CSF2: variants seen among roughly 807,000 people sequenced by gnomAD.
CSF2 encodes colony stimulating factor 2, also known as granulocyte-macrophage colony-stimulating factor.
Under a neutral mutation model 13.5 loss-of-function variants are expected in CSF2, and 2 were observed. The ratio of observed to expected loss-of-function variants is 0.15; its 90% CI spans 0.06 to 0.47. The LOEUF (loss-of-function observed/expected upper bound fraction) is 0.47. Among genes scored for constraint, CSF2 ranks in the 20% least tolerant of loss-of-function variants. The pLI, the probability that CSF2 is intolerant of heterozygous loss-of-function variation, is 0.97. For missense variants in CSF2, 141 were observed against 179.7 expected (o/e 0.78, Z 1.23); for synonymous variants, 66 against 69.2 (o/e 0.95, Z 0.23).
At chr5:132,075,308 G>T (rs1164253560) in intron 3 of CSF2, among the ~76,000 whole-genome samples, 2 of 152,264 alleles carry the variant, frequency 1.3e-5, no homozygotes, top group African/African-American at 4.8e-5. Context: ...CCCACATGGG[G>T]TGCTTGAATT....
chr5:132,074,163 G>T (rs182488161), intron 2 of CSF2, 41 bp downstream of exon 2: 1 of 1,610,506 alleles, frequency 6.2e-7, no homozygotes, highest in East Asian at 2.2e-5. Context: ...AGAAGCCCCT[G>T]CCCTGGGGTG....
At chr5:132,075,304 T>G (rs1049792941) in intron 3 of CSF2, among the ~76,000 whole-genome samples, 1 of 152,206 alleles carries the variant, frequency 6.6e-6, no homozygotes, top group Admixed American at 6.5e-5. Context: ...TGGCCCCACA[T>G]GGGGTGCTTG....
chr5:132,074,958 C>T (rs1580737013), intron 3 of CSF2, 23 bp downstream of exon 3: 5 of 1,612,972 alleles, frequency 3.1e-6, no homozygotes, highest in Non-Finnish European at 3.4e-6. Context: ...GGCAGGGCCT[C>T]CAGCAGGAAT....
At chr5:132,074,233 G>T (rs1580736664) in intron 2 of CSF2, 111 bp downstream of exon 2, 7 of 1,279,810 alleles carry the variant, frequency 5.5e-6, no homozygotes, top group South Asian at 2.4e-5. Flanking sequence ...TCTCCAGTCA[G>T]CTGGCTGCAG....
chr5:132,074,713 T>C, intron 2 of CSF2, 97 bp from the exon 3 acceptor site: 3 of 1,591,530 alleles, frequency 1.9e-6, no homozygotes, highest in Non-Finnish European at 1.7e-6. Flanking sequence ...GCCCTACTCC[T>C]GGGGGCTGGG....
chr5:132,073,950 C>G lies in CSF2; in HGVS notation c.127C>G (p.Leu43Val), dbSNP rs755284838. The G allele has an allele frequency of 6.2e-7, 1 of 1,613,534 alleles. No homozygotes were observed. Among genetic ancestry groups the G allele is most frequent in the South Asian group, 1.1e-5 (1 of 91,090 alleles). The change falls in exon 1 of 4, where the codon CTG becomes GTG. Residue 43 changes from leucine (L) to valine (V), a missense_variant. Transcript: ENST00000296871. Reference sequence around the variant, plus strand: ...TGCCATCCAGGAGGCCCGGCGTCTCCTGAACCTGAGTAGAGACACTGCTGC... The same window carrying G: ...TGCCATCCAGGAGGCCCGGCGTCTCGTGAACCTGAGTAGAGACACTGCTGC... ...VNAIQEARRLLNLSRDTAAEM... is the reference protein window; with the variant it reads ...VNAIQEARRLVNLSRDTAAEM...
At position 132,074,002 on chromosome 5, in the gene CSF2, C is replaced by A; in HGVS notation, c.159+20C>A. 6.2e-7 allele frequency: 1 copy of A among 1,613,724 alleles called. No homozygotes were observed. Among genetic ancestry groups the A allele is most frequent in the Non-Finnish European group, 8.5e-7 (1 of 1,180,040 alleles). On this transcript the variant is annotated intron_variant, in intron 1 of 3. Transcript: ENST00000296871. The stretch of plus-strand genomic sequence containing the variant: ...GAGATGGTAAGTGAGAGAATGTGGG[C>A]CTGTGCCTAGGCCACCCAGCTGGCC...
At chr5:132,074,639 C>T (rs1312249898) in intron 2 of CSF2, among the ~76,000 whole-genome samples, 171 bp from the exon 3 acceptor site, 2 of 152,116 alleles carry the variant, frequency 1.3e-5, no homozygotes, top group South Asian at 2.1e-4. Flanking sequence ...GTGAGAAGGG[C>T]AGGTTCGTGC....
chr5:132,074,935 G>C lies in CSF2; in HGVS notation c.327G>C (p.Pro109=). 1 of 1,613,462 alleles carries C rather than the reference G, an allele frequency of 6.2e-7. No homozygotes were observed. The highest frequency in any genetic ancestry group is 8.5e-7 in the Non-Finnish European group (1 of 1,180,020). Residue 109 remains proline, a splice_region_variant and synonymous_variant, in exon 3 of 4, where the codon CCG becomes CCC. Coordinates refer to ENST00000296871, the MANE Select transcript of CSF2 (RefSeq NM_000758.4). ...SHYKQHCPPT[P]ETSCATQIIT... is the part of the protein sequence containing the mutation. ...ACAAGCAGCACTGCCCTCCAACCCC[G>C]GTGAGTGCCTACGGCAGGGCCTCCA...
At position 132,076,012 on chromosome 5, in the gene CSF2, T is replaced by C. The variant is rs1194261696; in HGVS notation, c.*160T>C. 1.6e-6 allele frequency: 1 copy of C among 616,160 alleles called. No individual in the cohort carries two copies. Among genetic ancestry groups the C allele is most frequent in the Non-Finnish European group, 2.9e-6 (1 of 341,258 alleles). The allele number at this position is 616,160 out of a possible 1,614,324, so 38.2% of individuals were successfully genotyped here. A position where few individuals can be genotyped will look rare whatever the true frequency, so the allele number is the denominator to read the frequency against. ...GGCCACACTGACCCTGATACAGGCA[T>C]GGCAGAAGAATGGGAATATTTTATA... On this transcript the variant is annotated 3_prime_UTR_variant, in exon 4 of 4. Coordinates refer to ENST00000296871, the MANE Select transcript of CSF2 (RefSeq NM_000758.4).
Position 132,074,032 on chromosome 5 carries a change from A to C in CSF2, c.160-49A>C, listed in dbSNP as rs190462832. The C allele has an allele frequency of 5.6e-6, 9 of 1,613,718 alleles. No homozygotes were observed. In the East Asian group the frequency reaches 2.0e-4, roughly 36 times the overall value. ...GCCTAGGCCACCCAGCTGGCCCCTG[A>C]CTGGCCACGCCTGTCAGCTTGATAA... is the stretch of plus-strand genomic sequence containing the variant. On this transcript the variant is annotated intron_variant, in intron 1 of 3. Transcript: ENST00000296871.
At position 132,075,753 on chromosome 5, in the gene CSF2, C is replaced by T. The variant is rs1756696762; in HGVS notation, c.336C>T (p.Ser112=). The change falls in exon 4 of 4, where the codon TCC becomes TCT. Residue 112 remains serine, a synonymous_variant. Transcript: ENST00000296871. The part of the protein sequence containing the change: ...KQHCPPTPET[S]CATQIITFES... ...TTTTTCTTTTTTTAAAGGAAACTTC[C>T]TGTGCAACCCAGATTATCACCTTTG... The T allele has an allele frequency of 2.5e-6, 4 of 1,607,682 alleles. No homozygotes were observed. Among genetic ancestry groups the T allele is most frequent in the Non-Finnish European group, 3.4e-6 (4 of 1,179,352 alleles).
intron 3 of CSF2, 123 bp downstream of exon 3, chr5:132,075,058 G>A (rs1195159495): frequency 3.5e-6 from 5 of 1,439,848 alleles, no homozygotes; most frequent in Non-Finnish European, 4.9e-6. Context: ...CAACAGTTAT[G>A]TAATGATTAG....
rs114955570 is a variant in CSF2, at chr5:132,075,203, G to A, written c.327+268G>A. ...TGTCATTATGGTTAATGAGGTCAGA[G>A]GTGAGGGCAAACCCAAGGAAACTTG... On this transcript the variant is annotated intron_variant, in intron 3 of 3. Coordinates refer to ENST00000296871, the MANE Select transcript of CSF2 (RefSeq NM_000758.4). 1.3e-3 allele frequency among the ~76,000 whole-genome samples: 197 copies of A among 151,470 alleles called. 1 individual carries two copies. Among genetic ancestry groups the A allele is most frequent in the African/African-American group, 4.7e-3 (193 of 40,700 alleles).
intron 2 of CSF2, among the ~76,000 whole-genome samples, 177 bp downstream of exon 2, chr5:132,074,299 G>A (rs1027531128): frequency 6.6e-6 from 1 of 152,188 alleles, no homozygotes; most frequent in Non-Finnish European, 1.5e-5. Context: ...CCCTATGGCA[G>A]TCACATGAGC....
chr5:132,074,792 G>C lies in CSF2; in HGVS notation c.202-18G>C, dbSNP rs185490125. On this transcript the variant is annotated intron_variant, in intron 2 of 3. Coordinates refer to ENST00000296871, the MANE Select transcript of CSF2 (RefSeq NM_000758.4). ...GGGCACTTGGCCACTGCTCACCGAC[G>C]AACGACATTTTCCACAGGAGCCGAC... 8.1e-6 allele frequency: 13 copies of C among 1,613,706 alleles called. No homozygotes were observed. The African/African-American group carries it at 1.3e-4, about 17-fold the overall frequency.
At chr5:132,074,171 G>A in intron 2 of CSF2, 49 bp downstream of exon 2, 1 of 1,603,634 alleles carries the variant, frequency 6.2e-7, no homozygotes, top group East Asian at 2.2e-5. Flanking sequence ...CTGCCCTGGG[G>A]TGGAGGTGGG....
Position 132,074,938 on chromosome 5 carries a change from G to A in CSF2, c.327+3G>A, listed in dbSNP as rs758054793. 1 of 1,613,392 alleles carries A rather than the reference G, an allele frequency of 6.2e-7. No individual in the cohort carries two copies. The highest frequency in any genetic ancestry group is 8.5e-7 in the Non-Finnish European group (1 of 1,180,018). On this transcript the variant is annotated splice_donor_region_variant and intron_variant, in intron 3 of 3. Transcript: ENST00000296871. ...AGCAGCACTGCCCTCCAACCCCGGT[G>A]AGTGCCTACGGCAGGGCCTCCAGCA...
At chr5:132,074,966 A>G (rs1485176187) in intron 3 of CSF2, 31 bp downstream of exon 3, 2 of 1,612,694 alleles carry the variant, frequency 1.2e-6, no homozygotes, top group Non-Finnish European at 1.7e-6. Flanking sequence ...CTCCAGCAGG[A>G]ATGTCTTAAT....
Sources: allele counts gnomAD v4.1 joint callset (sites outside exome capture counted in the v4.1 genomes callset), GRCh38; gene constraint gnomAD v4.1.1; transcripts MANE v1.5; gene names NCBI Gene and HGNC (gene_info 2026-07-23, HGNC 2026-07-21).